SEC61A2: variants seen among roughly 807,000 people sequenced by gnomAD.
SEC61A2 encodes the protein protein transport protein Sec61 subunit alpha isoform 2.
In SEC61A2, 28 loss-of-function variants were observed where a neutral mutation model predicts 59.9. The observed-to-expected ratio is 0.47, with a 90% confidence interval of 0.35 to 0.64. The LOEUF (loss-of-function observed/expected upper bound fraction) is 0.64, where lower values mean the gene tolerates loss of function less well. SEC61A2 is among the 30% of genes least tolerant of loss of function. The pLI is 0.01. For missense variants in SEC61A2, 340 were observed against 585.9 expected, an observed-to-expected ratio of 0.58 and a Z score of 4.33; for synonymous variants, 202 against 214.4, an observed-to-expected ratio of 0.94 and a Z score of 0.50.
At chr10:12,139,841 T>TGGGC (rs1833971190) in intron 3 of SEC61A2, among the ~76,000 whole-genome samples, 2 of 148,024 alleles carry the variant, frequency 1.4e-5, no homozygotes, top group Non-Finnish European at 3.0e-5. Flanking sequence ...TGGTGGCAAA[T>TGGGC]ACCTGTAGTC....
chr10:12,134,211 G>A (rs1040847230), intron 2 of SEC61A2, among the ~76,000 whole-genome samples: 3 of 152,190 alleles, frequency 2.0e-5, no homozygotes, highest in Admixed American at 6.5e-5. Flanking sequence ...GTTTCACCGT[G>A]TTAGCCAGGA....
intron 6 of SEC61A2, among the ~76,000 whole-genome samples, chr10:12,150,637 AATG>A (rs1834248975): frequency 6.6e-6 from 1 of 152,228 alleles, no homozygotes; most frequent in Admixed American, 6.5e-5. Context: ...TACACAAAAT[AATG>A]ATGTTTTACA....
chr10:12,160,999 G>C lies in SEC61A2; in HGVS notation c.1045G>C (p.Glu349Gln), dbSNP rs1193563048. The change falls in exon 10 of 12, where the codon GAG becomes CAG. Residue 349 changes from glutamate to glutamine, a missense_variant. This residue lies in a region of SEC61A2 where 283 missense variants were observed against 483.2 expected (regional missense o/e 0.59). Transcript: ENST00000298428. The surrounding 1 kb of genome is among the most constrained non-coding windows in gnomAD (Gnocchi z 4.1). ...CCTTTGTTACTATCTTTCTCCTCCT[G>C]AGTCCATGGGCGCCATCTTTGAGGA... The part of the protein sequence containing the change: ...GGLCYYLSPP[E>Q]SMGAIFEDPV... 6.2e-7 allele frequency: 1 copy of C among 1,614,040 alleles called. No homozygotes were observed. Among genetic ancestry groups the C allele is most frequent in the Non-Finnish European group, 8.5e-7 (1 of 1,180,010 alleles).
chr10:12,146,557 A>C (rs549556294), intron 4 of SEC61A2, among the ~76,000 whole-genome samples: 5 of 150,260 alleles, frequency 3.3e-5, no homozygotes, highest in Non-Finnish European at 5.9e-5. Context: ...TCGCTCTGTC[A>C]CCCAGGCTGG....
In SEC61A2 at chr10:12,143,113, T is replaced by G. The variant is rs918200391; in HGVS notation, c.142-4T>G. ...TTCATAAACTATTTTGTGTACTATT[T>G]TAGATCCCACTGTTTGGAATCATGT... is the stretch of plus-strand genomic sequence containing the variant. On this transcript the variant is annotated splice_region_variant and splice_polypyrimidine_tract_variant and intron_variant, in intron 3 of 11. Coordinates refer to ENST00000298428, the MANE Select transcript of SEC61A2 (RefSeq NM_018144.4). The surrounding 1 kb of genome is among the most constrained non-coding windows in gnomAD (Gnocchi z 4.8). 6 of 1,604,012 alleles carry G rather than the reference T, an allele frequency of 3.7e-6. No individual in the cohort carries two copies. Among genetic ancestry groups the G allele is most frequent in the Non-Finnish European group, 4.3e-6 (5 of 1,170,982 alleles).
chr10:12,131,790 A>G (rs1185671057), intron 1 of SEC61A2, among the ~76,000 whole-genome samples: 2 of 134,496 alleles, frequency 1.5e-5, no homozygotes, highest in Non-Finnish European at 3.1e-5. Flanking sequence ...TCCTGGGGTC[A>G]CGCCATTCTC....
chr10:12,167,897 C>G, downstream of SEC61A2: 2 of 1,572,404 alleles, frequency 1.3e-6, no homozygotes, highest in Non-Finnish European at 1.7e-6. Flanking sequence ...GCAGCAGGTA[C>G]TACTATATGT....
chr10:12,134,926 A>G (rs1366722577), intron 2 of SEC61A2, among the ~76,000 whole-genome samples: 1 of 152,046 alleles, frequency 6.6e-6, no homozygotes, highest in East Asian at 1.9e-4. Flanking sequence ...CTCAAAAAAA[A>G]AAAAAAGAAA....
Position 12,161,827 on chromosome 10 carries a change from A to G in SEC61A2, c.1168-386A>G, listed in dbSNP as rs1419467861. ...TTGGAAAATTCATATTTAATTGTCA[A>G]AACAGTAGTGGATACACTCCTTTAT... On this transcript the variant is annotated intron_variant, in intron 10 of 11. Transcript: ENST00000298428. The surrounding 1 kb of genome is among the most constrained non-coding windows in gnomAD (Gnocchi z 5.4). Among the ~76,000 whole-genome samples, 1 of 152,254 alleles carries G rather than the reference A, an allele frequency of 6.6e-6. No individual in the cohort carries two copies. The highest frequency in any genetic ancestry group is 1.5e-5 in the Non-Finnish European group (1 of 68,054).
Position 12,142,623 on chromosome 10 carries a change from G to C in SEC61A2, c.142-494G>C. On this transcript the variant is annotated intron_variant, in intron 3 of 11. Coordinates refer to ENST00000298428, the MANE Select transcript of SEC61A2 (RefSeq NM_018144.4). The surrounding 1 kb of genome is among the most constrained non-coding windows in gnomAD (Gnocchi z 5.4). ...TTTTTTAAATTGTGGTAAAAGTATA[G>C]AAAATATGCCATCTTCATCATTTTT... is the stretch of plus-strand genomic sequence containing the variant. 2.1e-6 allele frequency: 1 copy of C among 475,704 alleles called. No individual in the cohort carries two copies. Among genetic ancestry groups the C allele is most frequent in the Non-Finnish European group, 2.7e-6 (1 of 364,124 alleles). 29.5% of individuals were successfully genotyped at this position (475,704 alleles called of 1,614,324 possible).
At chr10:12,131,345 A>G (rs1356427864) in intron 1 of SEC61A2, among the ~76,000 whole-genome samples, 1 of 152,190 alleles carries the variant, frequency 6.6e-6, no homozygotes, top group Non-Finnish European at 1.5e-5. Flanking sequence ...GAAAAGCCGC[A>G]GAGCCTAACT....
rs189120610 is a variant in SEC61A2 at position 12,135,400 on chromosome 10, C to A, written c.76-705C>A. Among the ~76,000 whole-genome samples, 399 of 152,094 alleles carry A rather than the reference C, an allele frequency of 2.6e-3. 1 individual carries two copies. Among genetic ancestry groups the A allele is most frequent in the South Asian group, 9.8e-3 (47 of 4,804 alleles). On this transcript the variant is annotated intron_variant, in intron 2 of 11. Transcript: ENST00000298428. ...ACTGAAAAATCTAGATTTGAAAATT[C>A]TTTCCTCAGTAAAAGTAGATTTAAA...
chr10:12,154,555 C>G lies in SEC61A2; in HGVS notation c.463-1223C>G, dbSNP rs1043177457. 6.6e-6 allele frequency among the ~76,000 whole-genome samples: 1 copy of G among 152,126 alleles called. No homozygotes were observed. Among genetic ancestry groups the G allele is most frequent in the African/African-American group, 2.4e-5 (1 of 41,416 alleles). ...AATAGAATCGGTAGTAAGTCCTAAC[C>G]TCTACATTATTTTGTCAAAATGTCG... On this transcript the variant is annotated intron_variant, in intron 6 of 11. Transcript: ENST00000298428. This position sits in a 1 kb window ranked among gnomAD's most constrained non-coding sequence, Gnocchi z 5.2.
At chr10:12,166,635 C>T (rs549086488), downstream of SEC61A2, 3 of 443,782 alleles carry the variant, frequency 6.8e-6, no homozygotes, top group South Asian at 1.7e-5. Context: ...CTGGCTTACC[C>T]GCTGGAGCCA....
At chr10:12,150,106 G>A (rs995302531) in intron 6 of SEC61A2, 145 bp downstream of exon 6, 14 of 614,604 alleles carry the variant, frequency 2.3e-5, no homozygotes, top group South Asian at 5.1e-5. Flanking sequence ...GAAGTGATAC[G>A]TGTAAAATTT....
At chr10:12,167,267 T>G (rs757533384), downstream of SEC61A2, 32 of 160,002 alleles carry the variant, frequency 2.0e-4, no homozygotes, top group Non-Finnish European at 3.4e-4. Flanking sequence ...TTTTTTTCTT[T>G]TTAACGCTGT....
intron 2 of SEC61A2, among the ~76,000 whole-genome samples, chr10:12,134,511 A>G (rs2131643990): frequency 6.6e-6 from 1 of 152,274 alleles, no homozygotes; most frequent in Admixed American, 6.5e-5. Context: ...TTCATTTAAC[A>G]CCGTACAATG....
downstream of SEC61A2, chr10:12,169,922 T>G: frequency 3.8e-6 from 2 of 519,786 alleles, no homozygotes; most frequent in Non-Finnish European, 3.4e-6. The surrounding 1 kb of genome is among the most constrained non-coding windows in gnomAD (Gnocchi z 4.8). Flanking sequence ...ATCAATTACC[T>G]AAAACACTTA....
chr10:12,156,691 A>G lies in SEC61A2; in HGVS notation c.617-216A>G, dbSNP rs1834402463. Among the ~76,000 whole-genome samples, 1 of 152,240 alleles carries G rather than the reference A, an allele frequency of 6.6e-6. No individual in the cohort carries two copies. The highest frequency in any genetic ancestry group is 2.4e-5 in the African/African-American group (1 of 41,460). On this transcript the variant is annotated intron_variant, in intron 7 of 11. Transcript: ENST00000298428. This position sits in a 1 kb window ranked among gnomAD's most constrained non-coding sequence, Gnocchi z 5.2. ...TGTTTTCTTCAAGAATAGTCTCTTG[A>G]GAAAACTTCGGATTTATGCTATAAA...
Sources: allele counts gnomAD v4.1 joint callset (sites outside exome capture counted in the v4.1 genomes callset), GRCh38; gene constraint gnomAD v4.1.1; regional missense constraint gnomAD v4.1.1; non-coding constraint Gnocchi (gnomAD v3.1); transcripts MANE v1.5; gene names NCBI Gene and HGNC (gene_info 2026-07-23, HGNC 2026-07-21).